Variants in PCDH15 observed in about 807,000 individuals in gnomAD.
PCDH15 encodes protocadherin-15.
A neutral mutation model predicts 178.5 loss-of-function variants in PCDH15; 129 were observed. That is an observed-to-expected ratio of 0.72 (90% CI 0.63 to 0.84). PCDH15 has a LOEUF of 0.84. Among genes scored for constraint, PCDH15 ranks in the 40% least tolerant of loss-of-function variants. PCDH15 has a pLI of 0.00. For synonymous variants in PCDH15, 800 were observed against 732.0 expected, an observed-to-expected ratio of 1.09 and a Z score of -1.50; for missense variants, 2,230 against 2,099.9, an observed-to-expected ratio of 1.06 and a Z score of -1.21.
At chr10:54,518,126 A>T (rs1278438182) in intron 3 of PCDH15, among the ~76,000 whole-genome samples, 11 of 152,202 alleles carry the variant, frequency 7.2e-5, no homozygotes, top group Non-Finnish European at 1.5e-4. Context: ...TCCAAAATTG[A>T]CACCCTAACA....
intron 2 of PCDH15, among the ~76,000 whole-genome samples, chr10:55,335,102 C>T (rs2132315237): frequency 6.6e-6 from 1 of 152,194 alleles, no homozygotes; most frequent in East Asian, 1.9e-4. Context: ...ATCCATAGCC[C>T]CTTTTTGCTG....
chr10:54,509,592 C>T (rs1377744232), intron 3 of PCDH15, among the ~76,000 whole-genome samples: 1 of 152,160 alleles, frequency 6.6e-6, no homozygotes, highest in Non-Finnish European at 1.5e-5. Context: ...TCATGAGTCT[C>T]TCCTAATCGA....
At chr10:55,317,992 T>C (rs1843771718) in intron 1 of PCDH15, among the ~76,000 whole-genome samples, 1 of 152,242 alleles carries the variant, frequency 6.6e-6, no homozygotes, top group South Asian at 2.1e-4. Flanking sequence ...TGGGAAAAAT[T>C]GTCGTCTACA....
chr10:54,783,276 A>G (rs1326815045), intron 1 of PCDH15, among the ~76,000 whole-genome samples: 2 of 152,154 alleles, frequency 1.3e-5, no homozygotes, highest in South Asian at 4.1e-4. Context: ...AAAGATAGGT[A>G]TCATGAGAAA....
chr10:54,769,822 T>C (rs982421628), intron 1 of PCDH15, among the ~76,000 whole-genome samples: 1 of 152,106 alleles, frequency 6.6e-6, no homozygotes, highest in Non-Finnish European at 1.5e-5. Context: ...AGAGCACTGA[T>C]AGACAATCCT....
At chr10:55,466,600 A>C (rs1415835689) in intron 2 of PCDH15, among the ~76,000 whole-genome samples, 2 of 152,204 alleles carry the variant, frequency 1.3e-5, no homozygotes, top group Non-Finnish European at 2.9e-5. Flanking sequence ...TGGTCAAATT[A>C]GAATAAAAAT....
intron 1 of PCDH15, among the ~76,000 whole-genome samples, chr10:54,673,148 T>C (rs994902614): frequency 2.0e-5 from 3 of 152,064 alleles, no homozygotes; most frequent in Non-Finnish European, 2.9e-5. Flanking sequence ...GGTATACACG[T>C]GCCATGGTGG....
intron 3 of PCDH15, among the ~76,000 whole-genome samples, chr10:54,483,591 T>C (rs928624683): frequency 6.6e-6 from 1 of 151,856 alleles, no homozygotes; most frequent in Non-Finnish European, 1.5e-5. Context: ...AAAATTGTGA[T>C]GTCTTTACCA....
rs117846740 is a variant in PCDH15, at chr10:55,014,753, T to G, written c.-79-117253A>C. On this transcript the variant is annotated intron_variant, in intron 2 of 5. Transcript: ENST00000458638. The stretch of plus-strand genomic sequence containing the variant: ...GATCAGATACCTTACCAGAGACACA[T>G]GCTACTTTACTATATTTAATAACTG... 5.3e-5 allele frequency among the ~76,000 whole-genome samples: 8 copies of G among 152,280 alleles called. No individual in the cohort carries two copies. The East Asian group carries it at 1.5e-3, about 29-fold the overall frequency.
chr10:54,534,953 CT>C (rs767873146), intron 2 of PCDH15, among the ~76,000 whole-genome samples: 4 of 152,220 alleles, frequency 2.6e-5, no homozygotes, highest in Non-Finnish European at 4.4e-5. Flanking sequence ...CTTGTATGAT[CT>C]AAAGTTACAG....
chr10:55,343,687 T>C (rs1588936155), intron 2 of PCDH15, among the ~76,000 whole-genome samples: 1 of 151,998 alleles, frequency 6.6e-6, no homozygotes, highest in Admixed American at 6.6e-5. Context: ...TGACTGGTGG[T>C]GTAGCTTGTA....
chr10:54,619,837 G>A (rs1054194314), intron 2 of PCDH15, among the ~76,000 whole-genome samples: 3 of 151,846 alleles, frequency 2.0e-5, no homozygotes, highest in African/African-American at 4.8e-5. Context: ...CTAAATCTGG[G>A]ACTGGGCTTC....
At chr10:53,879,561 T>C (rs933417679) in intron 26 of PCDH15, among the ~76,000 whole-genome samples, 26 of 152,218 alleles carry the variant, frequency 1.7e-4, no homozygotes, top group African/African-American at 5.8e-4. Context: ...AGAATTATTG[T>C]AAAAGGTATA....
intron 3 of PCDH15, among the ~76,000 whole-genome samples, chr10:54,494,264 A>G (rs1370093985): frequency 6.6e-6 from 1 of 151,920 alleles, no homozygotes; most frequent in Non-Finnish European, 1.5e-5. Flanking sequence ...AAACTCCCCC[A>G]CCCTTTTGTA....
chr10:54,693,733 G>A (rs922571741), intron 1 of PCDH15, among the ~76,000 whole-genome samples: 1 of 152,102 alleles, frequency 6.6e-6, no homozygotes, highest in Non-Finnish European at 1.5e-5. Flanking sequence ...GAATTGGCTA[G>A]ATTGGAGAGT....
intron 20 of PCDH15, among the ~76,000 whole-genome samples, chr10:54,000,549 A>G (rs1708519672): frequency 6.6e-6 from 1 of 152,050 alleles, no homozygotes; most frequent in African/African-American, 2.4e-5. Flanking sequence ...ACCCTGAAGA[A>G]TGCATCAGTT....
chr10:55,626,046 T>C (rs181014206), intron 2 of PCDH15, among the ~76,000 whole-genome samples: 22 of 152,046 alleles, frequency 1.4e-4, no homozygotes, highest in African/African-American at 4.8e-4. Flanking sequence ...AACTGTGAGC[T>C]GCCCTAAGAG....
chr10:54,382,717 C>T (rs1949391085), intron 3 of PCDH15, among the ~76,000 whole-genome samples: 1 of 152,116 alleles, frequency 6.6e-6, no homozygotes, highest in Non-Finnish European at 1.5e-5. Flanking sequence ...CTTCCCTAAC[C>T]ATGTTTCAGA....
intron 2 of PCDH15, among the ~76,000 whole-genome samples, chr10:55,021,970 G>T (rs748441285): frequency 6.6e-6 from 1 of 152,056 alleles, no homozygotes; most frequent in East Asian, 1.9e-4. Flanking sequence ...TCGCATGGTG[G>T]AATCTAAAAA....
Sources: allele counts gnomAD v4.1 joint callset (sites outside exome capture counted in the v4.1 genomes callset), GRCh38; gene constraint gnomAD v4.1.1; transcripts MANE v1.5; gene names NCBI Gene and HGNC (gene_info 2026-07-23, HGNC 2026-07-21).